The following FRMPD4 variants were observed in gnomAD, a reference collection of about 807,000 sequenced individuals.
The protein encoded by FRMPD4 is FERM and PDZ domain-containing protein 4.
In FRMPD4, 22 loss-of-function variants were observed where a neutral mutation model predicts 94.1. That is an observed-to-expected ratio of 0.23 (90% CI 0.17 to 0.33). The LOEUF (loss-of-function observed/expected upper bound fraction) is 0.33. Ranked by LOEUF, FRMPD4 falls within the 10% of genes least tolerant of loss-of-function variation. The probability of loss-of-function intolerance (pLI) is 1.00; values close to 1 mark genes in which losing one functional copy is unlikely to be tolerated. For missense variants in FRMPD4, 1,111 were observed against 1,339.9 expected, an observed-to-expected ratio of 0.83 and a Z score of 2.67; for synonymous variants, 631 against 548.6, an observed-to-expected ratio of 1.15 and a Z score of -2.10.
chrX:12,449,117 C>T (rs1456085062), intron 1 of FRMPD4, among the ~76,000 whole-genome samples: 11 of 112,302 alleles, frequency 9.8e-5, no homozygotes, highest in African/African-American at 1.9e-4. Context: ...TTTCACAATA[C>T]GTATTTAGGC....
At chrX:12,055,346 T>C (rs1306487213) in intron 3 of FRMPD4, among the ~76,000 whole-genome samples, 2 of 111,267 alleles carry the variant, frequency 1.8e-5, no homozygotes, top group East Asian at 5.7e-4. Context: ...ATCATGGAGG[T>C]GGAATCCTCA....
At chrX:12,636,928 T>C (rs755525526) in intron 4 of FRMPD4, among the ~76,000 whole-genome samples, 1 of 111,947 alleles carries the variant, frequency 8.9e-6, no homozygotes, top group Admixed American at 9.5e-5. Context: ...CTTTCTGATA[T>C]GATAAGATGC....
intron 1 of FRMPD4, among the ~76,000 whole-genome samples, chrX:12,186,546 A>G (rs1035335370): frequency 9.0e-6 from 1 of 111,611 alleles, no homozygotes; most frequent in Admixed American, 9.5e-5. Flanking sequence ...TGACGACAAC[A>G]TCAATATATT....
intron 1 of FRMPD4, among the ~76,000 whole-genome samples, chrX:12,441,160 C>T (rs921639393): frequency 1.3e-4 from 15 of 112,012 alleles, no homozygotes; most frequent in Admixed American, 8.5e-4. Flanking sequence ...AACTTACAAT[C>T]GCCAGCCCTT....
intron 4 of FRMPD4, among the ~76,000 whole-genome samples, chrX:12,618,757 A>AT (rs760873450): frequency 8.2e-4 from 91 of 111,526 alleles, no homozygotes; most frequent in African/African-American, 2.9e-3. Context: ...GGTGCACTAG[A>AT]TTTTTTGGAT....
At chrX:12,500,217 T>G (rs1262643294) in intron 2 of FRMPD4, among the ~76,000 whole-genome samples, 1 of 111,360 alleles carries the variant, frequency 9.0e-6, no homozygotes, top group African/African-American at 3.3e-5. Flanking sequence ...AAAAAAAAAT[T>G]ATTTCACAAC....
chrX:12,087,952 G>A (rs192597955), intron 3 of FRMPD4, among the ~76,000 whole-genome samples: 3 of 112,323 alleles, frequency 2.7e-5, no homozygotes, highest in East Asian at 2.8e-4. Context: ...TGCTGCAGGC[G>A]TATACATTTT....
chrX:12,580,205 A>G lies in FRMPD4; in HGVS notation c.159-29516A>G, dbSNP rs190940484. Among the ~76,000 whole-genome samples, 244 of 112,320 alleles carry G rather than the reference A, an allele frequency of 2.2e-3. 2 individuals are homozygous for G. Among genetic ancestry groups the G allele is most frequent in the African/African-American group, 7.6e-3 (235 of 30,944 alleles). ...TCTAAGGCATGTCACAGTTGGCCCC[A>G]TGTCCAGTGGCTAAAACTCTAATAG... On this transcript the variant is annotated intron_variant, in intron 2 of 16. Transcript: ENST00000675598.
chrX:11,881,144 T>G (rs745696236), intron 3 of FRMPD4, among the ~76,000 whole-genome samples: 1 of 112,354 alleles, frequency 8.9e-6, no homozygotes, highest in East Asian at 2.8e-4. Flanking sequence ...TGCTGACAAT[T>G]CCAAATGCTG....
At chrX:12,454,815 GT>G (rs11443822) in intron 1 of FRMPD4, among the ~76,000 whole-genome samples, 18 of 92,478 alleles carry the variant, frequency 1.9e-4, no homozygotes, top group East Asian at 1.4e-3. Context: ...AGAAAGCCAC[GT>G]TTTTTTTTTT....
At chrX:11,850,620 T>G (rs2053615717) in intron 1 of FRMPD4, among the ~76,000 whole-genome samples, 1 of 112,259 alleles carries the variant, frequency 8.9e-6, no homozygotes, top group Non-Finnish European at 1.9e-5. Flanking sequence ...TATTCAGTCT[T>G]AAAAAGAAAG....
chrX:12,410,433 C>T (rs760832421), intron 1 of FRMPD4, among the ~76,000 whole-genome samples: 1 of 111,325 alleles, frequency 9.0e-6, no homozygotes, highest in East Asian at 2.8e-4. Flanking sequence ...TTCCAACTGC[C>T]ACCTCATGCT....
In FRMPD4 at chrX:12,003,147, T is replaced by A. The variant is rs138712478; in HGVS notation, c.95+125129T>A. On this transcript the variant is annotated intron_variant, in intron 3 of 18. Coordinates refer to the FRMPD4 transcript ENST00000640291. The stretch of plus-strand genomic sequence containing the variant: ...AGCAGCAACATTGAGCTGGGTCACC[T>A]CCTGTCATTCCTACCTGTTCTAAGC... Among the ~76,000 whole-genome samples, 296 of 111,787 alleles carry A rather than the reference T, an allele frequency of 2.6e-3. 2 individuals are homozygous for A. Among genetic ancestry groups the A allele is most frequent in the African/African-American group, 9.2e-3 (283 of 30,781 alleles).
At chrX:11,978,315 CCA>C (rs1193857655) in intron 3 of FRMPD4, among the ~76,000 whole-genome samples, 11 of 63,330 alleles carry the variant, frequency 1.7e-4, no homozygotes, top group African/African-American at 6.6e-4. Flanking sequence ...GAGTGAAACT[CCA>C]TCTCAAAAAA....
chrX:12,136,372 T>C (rs918978208), upstream of FRMPD4, among the ~76,000 whole-genome samples: 1 of 107,465 alleles, frequency 9.3e-6, no homozygotes, highest in Non-Finnish European at 1.9e-5. Flanking sequence ...AATTATATAG[T>C]GTGCTAGTGG....
chrX:12,615,912 C>G (rs1163364862), intron 4 of FRMPD4, among the ~76,000 whole-genome samples: 1 of 111,056 alleles, frequency 9.0e-6, no homozygotes, highest in African/African-American at 3.3e-5. Flanking sequence ...GAGAAAGTTT[C>G]TTTCTCAAGC....
At chrX:12,225,928 T>C (rs751756001) in intron 1 of FRMPD4, among the ~76,000 whole-genome samples, 1 of 111,491 alleles carries the variant, frequency 9.0e-6, no homozygotes, top group South Asian at 3.8e-4. Context: ...TCAGAACATG[T>C]AGGGTGGAGG....
chrX:12,459,983 C>T (rs1330312839), intron 1 of FRMPD4, among the ~76,000 whole-genome samples: 1 of 111,719 alleles, frequency 9.0e-6, no homozygotes, highest in African/African-American at 3.2e-5. Flanking sequence ...TTAATTTTAG[C>T]CATTCTAGTG....
chrX:12,168,967 T>C (rs1057300110), intron 1 of FRMPD4, among the ~76,000 whole-genome samples: 1 of 111,968 alleles, frequency 8.9e-6, no homozygotes, highest in African/African-American at 3.2e-5. Context: ...TTCACAGAGT[T>C]TCTTTCATCT....
Sources: allele counts gnomAD v4.1 joint callset (sites outside exome capture counted in the v4.1 genomes callset), GRCh38; gene constraint gnomAD v4.1.1; transcripts MANE v1.5; gene names NCBI Gene and HGNC (gene_info 2026-07-23, HGNC 2026-07-21).